Variants in TBC1D31 observed in about 807,000 individuals in gnomAD.
TBC1D31 encodes the protein WD repeat domain 67.
A neutral mutation model predicts 132.9 loss-of-function variants in TBC1D31; 99 were observed. That is an observed-to-expected ratio of 0.74 (90% CI 0.63 to 0.88). TBC1D31 has a LOEUF of 0.88. TBC1D31 is among the 40% of genes least tolerant of loss of function. The pLI is 0.00. For synonymous variants in TBC1D31, 385 were observed against 419.4 expected (o/e 0.92, Z 1.00); for missense variants, 1,134 against 1,256.6 (o/e 0.90, Z 1.48).
At chr8:123,114,949 T>TA (rs1338332921) in intron 10 of TBC1D31, among the ~76,000 whole-genome samples, 2 of 152,222 alleles carry the variant, frequency 1.3e-5, no homozygotes, top group East Asian at 3.8e-4. Flanking sequence ...TACTTCTTTC[T>TA]AAAAAATGCA....
intron 4 of TBC1D31, among the ~76,000 whole-genome samples, chr8:123,090,334 T>A (rs7814110): frequency 4.6e-5 from 7 of 152,198 alleles, no homozygotes; most frequent in Admixed American, 6.5e-5. Context: ...TTATCTAAAG[T>A]CTTACTGCTT....
At chr8:123,081,134 A>G (rs1016865465) in intron 2 of TBC1D31, among the ~76,000 whole-genome samples, 1 of 152,146 alleles carries the variant, frequency 6.6e-6, no homozygotes, top group African/African-American at 2.4e-5. Flanking sequence ...CTTTGGCTTC[A>G]TGGTACAGCT....
At chr8:123,097,486 G>T (rs372719291) in intron 6 of TBC1D31, 45 bp downstream of exon 6, 8 of 1,586,152 alleles carry the variant, frequency 5.0e-6, no homozygotes, top group Non-Finnish European at 6.9e-6. Context: ...GAGAAAGAAC[G>T]CATCCGTCTC....
chr8:123,136,388 T>A (rs1354916562), intron 17 of TBC1D31, among the ~76,000 whole-genome samples: 1 of 152,246 alleles, frequency 6.6e-6, no homozygotes, highest in East Asian at 1.9e-4. Context: ...TTGGCTGTTG[T>A]TTCTTCATGA....
At chr8:123,163,048 A>T in the TBC1D31 span, among the ~76,000 whole-genome samples, 2 of 151,948 alleles carry the variant, frequency 1.3e-5, no homozygotes, top group Non-Finnish European at 2.9e-5. Flanking sequence ...GCGGCTCTCG[A>T]ACTCCTGATC....
intron 20 of TBC1D31, among the ~76,000 whole-genome samples, chr8:123,146,238 C>A (rs1419838537): frequency 6.6e-6 from 1 of 152,186 alleles, no homozygotes; most frequent in Non-Finnish European, 1.5e-5. Context: ...AATACACTTA[C>A]ATAGTCATGC....
downstream of TBC1D31, among the ~76,000 whole-genome samples, chr8:123,153,195 TAG>T (rs757574223): frequency 4.6e-5 from 7 of 152,200 alleles, no homozygotes; most frequent in Non-Finnish European, 7.3e-5. Flanking sequence ...ATAGAATATG[TAG>T]AGTGTGATGG....
At chr8:123,138,666 G>C (rs1174725247) in intron 17 of TBC1D31, among the ~76,000 whole-genome samples, 1 of 152,102 alleles carries the variant, frequency 6.6e-6, no homozygotes, top group African/African-American at 2.4e-5. Flanking sequence ...CATATAAATG[G>C]AATCATACAA....
intron 10 of TBC1D31, among the ~76,000 whole-genome samples, chr8:123,118,043 C>A (rs1819116476): frequency 6.6e-6 from 1 of 152,080 alleles, no homozygotes; most frequent in African/African-American, 2.4e-5. Flanking sequence ...TCAGACAAAC[C>A]CAAATTGAGG....
chr8:123,082,976 T>TTA, intron 3 of TBC1D31, 159 bp downstream of exon 3: 1 of 582,626 alleles, frequency 1.7e-6, no homozygotes, highest in Non-Finnish European at 3.0e-6. Flanking sequence ...CAGCCTCACT[T>TTA]TAGATCAGTT....
At chr8:123,115,764 G>C (rs1219769253) in intron 10 of TBC1D31, among the ~76,000 whole-genome samples, 1 of 152,030 alleles carries the variant, frequency 6.6e-6, no homozygotes, top group East Asian at 1.9e-4. Context: ...CTCTGTAGTC[G>C]TATCTCCCTC....
In TBC1D31 at chr8:123,129,050, A is replaced by T. The variant is rs546474891; in HGVS notation, c.2118-16A>T. The T allele has an allele frequency of 2.4e-5, 37 of 1,523,150 alleles. No homozygotes were observed. The African/African-American group carries it at 5.1e-4, about 21-fold the overall frequency. 94.4% of individuals were successfully genotyped at this position (1,523,150 alleles called of 1,614,324 possible). On this transcript the variant is annotated splice_polypyrimidine_tract_variant and intron_variant, in intron 14 of 21. Transcript: ENST00000287380. ...CTTTCTTCTTTGTGTTTTCATAATA[A>T]TATTACCTACTTAAGGCAGACAGTT...
rs199623987 is a variant in TBC1D31, at chr8:123,084,300, A to G, written c.479A>G (p.Lys160Arg). The G allele has an allele frequency of 1.3e-5, 21 of 1,614,184 alleles. No homozygotes were observed. The East Asian group carries it at 4.2e-4, about 33-fold the overall frequency. The change falls in exon 4 of 22, where the codon AAA becomes AGA. Residue 160 changes from lysine to arginine, a missense_variant. By Grantham distance (26) the Lys-to-Arg change is conservative (BLOSUM62 2). Coordinates refer to ENST00000287380, the MANE Select transcript of TBC1D31 (RefSeq NM_145647.4). ...QLWDLDTFQR[K>R]RKLNIRQSVG... ...TGGGACTTGGATACCTTTCAGAGAA[A>G]AAGAAAGCTGAATATTCGCCAGTCT...
At chr8:123,121,484 G>C (rs563011904) in intron 11 of TBC1D31, among the ~76,000 whole-genome samples, 1 of 152,158 alleles carries the variant, frequency 6.6e-6, no homozygotes, top group African/African-American at 2.4e-5. Flanking sequence ...TGGACCATGA[G>C]GGTGAATCAT....
chr8:123,114,359 T>A (rs886713331), intron 10 of TBC1D31, among the ~76,000 whole-genome samples: 1 of 152,180 alleles, frequency 6.6e-6, no homozygotes, highest in African/African-American at 2.4e-5. Context: ...TCCACTCTGC[T>A]GCCCAGGCTG....
intron 1 of TBC1D31, among the ~76,000 whole-genome samples, chr8:123,074,027 A>T (rs1443538237): frequency 7.2e-6 from 1 of 139,074 alleles, no homozygotes; most frequent in Non-Finnish European, 1.6e-5. Context: ...CTTCTTGACA[A>T]ATCAGAATTT....
intron 16 of TBC1D31, among the ~76,000 whole-genome samples, chr8:123,133,777 AT>A (rs1343764402): frequency 6.6e-6 from 1 of 152,186 alleles, no homozygotes; most frequent in Non-Finnish European, 1.5e-5. Flanking sequence ...TAAATGTTAT[AT>A]TTTTATCTAC....
chr8:123,113,024 C>T (rs1350113419), intron 10 of TBC1D31, among the ~76,000 whole-genome samples: 1 of 151,950 alleles, frequency 6.6e-6, no homozygotes, highest in East Asian at 1.9e-4. Flanking sequence ...TCATCAGATG[C>T]CGAAGGAATT....
chr8:123,130,395 G>T (rs2130814477), intron 16 of TBC1D31, 62 bp downstream of exon 16: 2 of 1,431,786 alleles, frequency 1.4e-6, no homozygotes, highest in South Asian at 1.5e-5. Context: ...TAAATGTAAT[G>T]AACACCTTCA....
Sources: allele counts gnomAD v4.1 joint callset (sites outside exome capture counted in the v4.1 genomes callset), GRCh38; gene constraint gnomAD v4.1.1; transcripts MANE v1.5; gene names NCBI Gene and HGNC (gene_info 2026-07-23, HGNC 2026-07-21).